The following NRXN1 variants were observed in gnomAD, a reference collection of about 807,000 sequenced individuals.
NRXN1 encodes the protein neurexin-1.
A neutral mutation model predicts 150.9 loss-of-function variants in NRXN1; 39 were observed. The ratio of observed to expected loss-of-function variants is 0.26; its 90% CI spans 0.20 to 0.34. The LOEUF (loss-of-function observed/expected upper bound fraction) is 0.34, where lower values mean the gene tolerates loss of function less well. NRXN1 is among the 10% of genes least tolerant of loss of function. The pLI is 1.00. For missense variants in NRXN1, 1,815 were observed against 1,949.9 expected, an observed-to-expected ratio of 0.93 and a Z score of 1.30; for synonymous variants, 924 against 757.0, an observed-to-expected ratio of 1.22 and a Z score of -3.62.
chr2:50,188,556 C>A (rs2061238002), intron 18 of NRXN1, among the ~76,000 whole-genome samples: 1 of 151,772 alleles, frequency 6.6e-6, no homozygotes, highest in Non-Finnish European at 1.5e-5. Flanking sequence ...TTCTGCATAG[C>A]AAAATAAACT....
chr2:50,848,241 C>T (rs138369839), intron 5 of NRXN1, among the ~76,000 whole-genome samples: 303 of 152,246 alleles, frequency 2.0e-3, no homozygotes, highest in African/African-American at 6.7e-3. Flanking sequence ...CCCCATCGCA[C>T]GCCCTGCGAG....
chr2:50,383,904 C>A (rs888856223), intron 17 of NRXN1, among the ~76,000 whole-genome samples: 2 of 152,198 alleles, frequency 1.3e-5, no homozygotes, highest in Non-Finnish European at 2.9e-5. Context: ...GGCAGCTAAT[C>A]TTCCATCCTT....
intron 5 of NRXN1, among the ~76,000 whole-genome samples, chr2:50,804,622 A>G (rs1667271624): frequency 6.6e-6 from 1 of 152,216 alleles, no homozygotes; most frequent in Non-Finnish European, 1.5e-5. Context: ...TGCACTTTGA[A>G]CAAAAGAAAA....
At chr2:50,170,901 A>G (rs903476891) in intron 18 of NRXN1, among the ~76,000 whole-genome samples, 5 of 152,060 alleles carry the variant, frequency 3.3e-5, no homozygotes, top group African/African-American at 1.2e-4. Flanking sequence ...TTTAACAACC[A>G]GTAGCCTACT....
At chr2:50,437,985 C>T (rs115442550) in intron 17 of NRXN1, among the ~76,000 whole-genome samples, 1 of 152,268 alleles carries the variant, frequency 6.6e-6, no homozygotes, top group Non-Finnish European at 1.5e-5. Flanking sequence ...ATCCTACAAC[C>T]TCAGTTATCA....
intron 18 of NRXN1, among the ~76,000 whole-genome samples, chr2:50,142,889 A>G (rs1350390478): frequency 2.0e-5 from 3 of 151,964 alleles, no homozygotes; most frequent in African/African-American, 7.2e-5. Flanking sequence ...CATAGAACCT[A>G]CAAAGAATAC....
intron 5 of NRXN1, among the ~76,000 whole-genome samples, chr2:50,709,574 T>A (rs901624971): frequency 4.6e-5 from 7 of 152,038 alleles, no homozygotes; most frequent in Admixed American, 4.6e-4. Context: ...ACCCACAGGA[T>A]AACAGGCACC....
At chr2:50,262,405 G>A (rs2068384133) in intron 17 of NRXN1, among the ~76,000 whole-genome samples, 1 of 151,824 alleles carries the variant, frequency 6.6e-6, no homozygotes, top group Admixed American at 6.6e-5. Context: ...AGAAATAGTA[G>A]TCTAAAACCA....
intron 17 of NRXN1, among the ~76,000 whole-genome samples, chr2:50,302,923 AT>A (rs2074293505): frequency 6.6e-6 from 1 of 151,896 alleles, no homozygotes. Flanking sequence ...CCATCCATCC[AT>A]CCATCCATCC....
At chr2:50,138,888 C>T (rs1177658687) in intron 18 of NRXN1, among the ~76,000 whole-genome samples, 1 of 152,140 alleles carries the variant, frequency 6.6e-6, no homozygotes, top group East Asian at 1.9e-4. Flanking sequence ...AGAATGTGTG[C>T]CATAAAACCC....
chr2:50,025,147 G>T (rs1688095262), intron 21 of NRXN1, among the ~76,000 whole-genome samples: 1 of 152,182 alleles, frequency 6.6e-6, no homozygotes, highest in African/African-American at 2.4e-5. Flanking sequence ...AGTGAGTGAG[G>T]TAGAGAGTGG....
At chr2:50,594,585 T>C (rs1674843564) in intron 8 of NRXN1, among the ~76,000 whole-genome samples, 1 of 152,214 alleles carries the variant, frequency 6.6e-6, no homozygotes, top group Non-Finnish European at 1.5e-5. Flanking sequence ...CAAAGCCTTC[T>C]AATAAAGAGC....
At chr2:50,285,953 T>G (rs769948861) in intron 17 of NRXN1, among the ~76,000 whole-genome samples, 1 of 151,990 alleles carries the variant, frequency 6.6e-6, no homozygotes, top group Non-Finnish European at 1.5e-5. Context: ...ATAGAAAATT[T>G]TAACAAACAG....
Position 50,976,203 on chromosome 2 carries a change from T to C in NRXN1, c.773-50248A>G, listed in dbSNP as rs568130364. Among the ~76,000 whole-genome samples the C allele has an allele frequency of 1.9e-3, 292 of 151,696 alleles. 4 individuals are homozygous for C. The highest frequency in any genetic ancestry group is 6.8e-3 in the African/African-American group (283 of 41,440). On this transcript the variant is annotated intron_variant, in intron 2 of 22. Coordinates refer to ENST00000401669, the MANE Select transcript of NRXN1 (RefSeq NM_001330078.2). ...ATTATTTTATGTTATTCTTTTTTTTTTTTTTTCTTAGAAACTCACTAGGTG... is the reference window on the plus strand; with the variant it reads ...ATTATTTTATGTTATTCTTTTTTTTCTTTTTTCTTAGAAACTCACTAGGTG...
chr2:51,001,284 G>C (rs2105091144), intron 2 of NRXN1, among the ~76,000 whole-genome samples: 2 of 150,924 alleles, frequency 1.3e-5, no homozygotes, highest in South Asian at 4.2e-4. Context: ...TCCTAGAAAA[G>C]GCAATTGTGT....
intron 18 of NRXN1, among the ~76,000 whole-genome samples, chr2:50,173,058 T>C (rs1239088895): frequency 2.6e-5 from 4 of 152,230 alleles, no homozygotes; most frequent in Non-Finnish European, 5.9e-5. Flanking sequence ...TCTATATTTC[T>C]CCATTACACT....
At chr2:51,027,453 C>T in intron 2 of NRXN1, 49 bp downstream of exon 2, 3 of 1,474,820 alleles carry the variant, frequency 2.0e-6, no homozygotes, top group Non-Finnish European at 1.8e-6. Flanking sequence ...CCCTCCTCCC[C>T]GAGCCCCGCC....
intron 5 of NRXN1, chr2:50,916,808 C>G (rs563221690): frequency 2.0e-5 from 3 of 151,500 alleles, no homozygotes; most frequent in Non-Finnish European, 4.4e-5. Flanking sequence ...TTCACAGAGC[C>G]AGGATTACAG....
At chr2:50,369,624 A>C (rs909647067) in intron 17 of NRXN1, among the ~76,000 whole-genome samples, 2 of 151,956 alleles carry the variant, frequency 1.3e-5, no homozygotes, top group Admixed American at 6.6e-5. Context: ...TTGATTTCTG[A>C]CTATAATTTC....
Sources: gnomAD v4.1 joint callset for allele counts (sites outside exome capture counted in the v4.1 genomes callset) on GRCh38, gnomAD v4.1.1 for gene constraint, MANE v1.5 for transcripts, NCBI Gene and HGNC (gene_info 2026-07-23, HGNC 2026-07-21) for gene names.